Variants in KMT2C observed in about 807,000 individuals in gnomAD.
KMT2C encodes the protein histone-lysine N-methyltransferase 2C.
A neutral mutation model predicts 507.9 loss-of-function variants in KMT2C; 88 were observed. The ratio of observed to expected loss-of-function variants is 0.17; its 90% CI spans 0.15 to 0.21. KMT2C has a LOEUF of 0.21. Ranked by LOEUF, KMT2C falls within the 10% of genes least tolerant of loss-of-function variation. The probability of loss-of-function intolerance (pLI) is 1.00; values close to 1 mark genes in which losing one functional copy is unlikely to be tolerated. For missense variants in KMT2C, 4,954 were observed against 5,957.8 expected, an observed-to-expected ratio of 0.83 and a Z score of 5.55; for synonymous variants, 2,049 against 2,080.8, an observed-to-expected ratio of 0.98 and a Z score of 0.42.
Position 152,163,252 on chromosome 7 carries a change from C to G in KMT2C, c.10325G>C (p.Ser3442Thr). Residue 3442 changes from serine (S) to threonine (T), a missense_variant, in exon 43 of 59, where the codon AGT becomes ACT. Coordinates refer to ENST00000262189, the MANE Select transcript of KMT2C (RefSeq NM_170606.3). ...CTGGGACACAGATGTCCTACTACTA[C>G]TTATCTCAGAGCCCACCATACCATG... ...EQHGMVGSEI[S>T]SSRTSVSQIP... The G allele has an allele frequency of 1.2e-6, 2 of 1,614,202 alleles. No individual in the cohort carries two copies. The highest frequency in any genetic ancestry group is 2.7e-5 in the African/African-American group (2 of 75,048).
intron 33 of KMT2C, among the ~76,000 whole-genome samples, 172 bp from the exon 34 acceptor site, chr7:152,185,803 GCC>G (rs1302049569): frequency 1.2e-4 from 19 of 152,326 alleles, no homozygotes; most frequent in African/African-American, 4.3e-4. Flanking sequence ...CACACTGTAG[GCC>G]AAACAAACGT....
chr7:152,255,148 T>TAC (rs1351690369), intron 9 of KMT2C, among the ~76,000 whole-genome samples: 3 of 125,344 alleles, frequency 2.4e-5, no homozygotes, highest in East Asian at 2.3e-4. Flanking sequence ...TATATATACA[T>TAC]ATATATATAT....
chr7:152,332,600 C>T (rs1230683891), intron 2 of KMT2C, among the ~76,000 whole-genome samples: 2 of 152,162 alleles, frequency 1.3e-5, no homozygotes, highest in Non-Finnish European at 2.9e-5. Flanking sequence ...AATCCCAGCA[C>T]TTTGGGAGGC....
In KMT2C at chr7:152,295,663, C is replaced by T. The variant is rs182883072; in HGVS notation, c.849+14303G>A. 2.6e-5 allele frequency among the ~76,000 whole-genome samples: 4 copies of T among 152,240 alleles called. No homozygotes were observed. The East Asian group carries it at 5.8e-4, about 22-fold the overall frequency. ...CTACAGATTTCCACTTTTTCAGATA[C>T]GCACCCTGCTCTAAGCAGAAACATG... On this transcript the variant is annotated intron_variant, in intron 6 of 58. Transcript: ENST00000262189.
chr7:152,233,478 T>A (rs2095184883), intron 16 of KMT2C, among the ~76,000 whole-genome samples: 1 of 150,924 alleles, frequency 6.6e-6, no homozygotes, highest in Non-Finnish European at 1.5e-5. Flanking sequence ...CAAATTAAAC[T>A]CAAAGTGAGA....
chr7:152,372,497 C>A (rs2097300023), intron 1 of KMT2C, among the ~76,000 whole-genome samples: 1 of 152,210 alleles, frequency 6.6e-6, no homozygotes, highest in East Asian at 1.9e-4. Context: ...ATGCTGCCTA[C>A]AAGAGACTCT....
In KMT2C at chr7:152,148,067, A is replaced by G. The variant is rs139284548; in HGVS notation, c.13860T>C (p.His4620=). ...VFVIRIVEQG[H]EDLVLSDISP... ...AGATGTCACTTAGAACCAGGTCTTC[A>G]TGGCCTTGTTCCACAATCCTGATGA... Residue 4620 remains histidine, a synonymous_variant, in exon 52 of 59, where the codon CAT becomes CAC. Coordinates refer to ENST00000262189, the MANE Select transcript of KMT2C (RefSeq NM_170606.3). The surrounding 1 kb of genome is among the most constrained non-coding windows in gnomAD (Gnocchi z 7.1). 1.9e-6 allele frequency: 3 copies of G among 1,598,618 alleles called. No individual in the cohort carries two copies. The African/African-American group carries it at 4.0e-5, about 21-fold the overall frequency.
intron 2 of KMT2C, among the ~76,000 whole-genome samples, chr7:152,349,585 A>C (rs946697353): frequency 1.3e-5 from 2 of 149,384 alleles, no homozygotes; most frequent in African/African-American, 5.2e-5. Context: ...GGAAAAGGCA[A>C]AACTATGGAG....
chr7:152,204,727 A>G lies in KMT2C; in HGVS notation c.3961+379T>C, dbSNP rs568787881. On this transcript the variant is annotated intron_variant, in intron 25 of 58. Transcript: ENST00000262189. ...TGATAAGTAGCTAAGGCAGTCAAAGAAAGGCTTTGGAGATGACCAGAAAGT... is the reference window on the plus strand; with the variant it reads ...TGATAAGTAGCTAAGGCAGTCAAAGGAAGGCTTTGGAGATGACCAGAAAGT... 2.3e-4 allele frequency among the ~76,000 whole-genome samples: 35 copies of G among 152,292 alleles called. 1 individual carries two copies. In the South Asian group the frequency reaches 7.1e-3, roughly 31 times the overall value.
chr7:152,358,927 T>C (rs1340804211), intron 1 of KMT2C, among the ~76,000 whole-genome samples: 1 of 152,170 alleles, frequency 6.6e-6, no homozygotes, highest in African/African-American at 2.4e-5. Context: ...CATAATTCAC[T>C]TAAGTATTCC....
At chr7:152,377,823 G>A (rs2097341398) in intron 1 of KMT2C, among the ~76,000 whole-genome samples, 1 of 151,886 alleles carries the variant, frequency 6.6e-6, no homozygotes, top group African/African-American at 2.4e-5. Flanking sequence ...CACCGTAGAT[G>A]TCATTAAGAA....
intron 6 of KMT2C, among the ~76,000 whole-genome samples, chr7:152,279,719 C>CA (rs1257161143): frequency 3.9e-5 from 6 of 152,124 alleles, no homozygotes; most frequent in Non-Finnish European, 8.8e-5. Flanking sequence ...AACGACATTA[C>CA]AAAATCAAAA....
intron 28 of KMT2C, 103 bp downstream of exon 28, chr7:152,195,804 A>G: frequency 1.6e-6 from 1 of 615,732 alleles, no homozygotes; most frequent in South Asian, 4.3e-5. Flanking sequence ...AAACAAAAAC[A>G]CAGTTACTGG....
At chr7:152,380,167 A>C (rs2097360540) in intron 1 of KMT2C, among the ~76,000 whole-genome samples, 1 of 152,094 alleles carries the variant, frequency 6.6e-6, no homozygotes, top group Admixed American at 6.5e-5. Flanking sequence ...AGGAGGCAGA[A>C]GTTGCAGTGA....
At chr7:152,137,554 G>C (rs369769778) in intron 58 of KMT2C, 1 of 152,326 alleles carries the variant, frequency 6.6e-6, no homozygotes, top group Non-Finnish European at 1.5e-5. Context: ...GGTCTCTTCT[G>C]AGTGAAATGA....
chr7:152,292,330 GCACA>G (rs1276544601), intron 6 of KMT2C, among the ~76,000 whole-genome samples: 1 of 149,436 alleles, frequency 6.7e-6, no homozygotes, highest in Non-Finnish European at 1.5e-5. Context: ...TGTGTGGCGC[GCACA>G]CACACACACA....
chr7:152,136,928 C>T lies in KMT2C; in HGVS notation c.14644-4G>A. On this transcript the variant is annotated splice_polypyrimidine_tract_variant and splice_region_variant and intron_variant, in intron 58 of 58. Coordinates refer to ENST00000262189, the MANE Select transcript of KMT2C (RefSeq NM_170606.3). Reference sequence around the variant, plus strand: ...CAAACTTATAGTCATAGCAGAGCTGCCCACGGCAAAGACACAGGGTAAGAA... The same window carrying T: ...CAAACTTATAGTCATAGCAGAGCTGTCCACGGCAAAGACACAGGGTAAGAA... 4 of 1,609,150 alleles carry T rather than the reference C, an allele frequency of 2.5e-6. No homozygotes were observed. The highest frequency in any genetic ancestry group is 3.4e-6 in the Non-Finnish European group (4 of 1,177,640).
chr7:152,175,150 ATT>A (rs58064231), intron 38 of KMT2C, among the ~76,000 whole-genome samples: 1 of 145,488 alleles, frequency 6.9e-6, no homozygotes. Context: ...CGTTGTTTTC[ATT>A]TTTTTTTTTT....
At position 152,179,966 on chromosome 7, in the gene KMT2C, G is replaced by A. The variant is rs2093375999; in HGVS notation, c.7310C>T (p.Pro2437Leu). Residue 2437 changes from proline (P) to leucine (L), a missense_variant, in exon 37 of 59, where the codon CCT (proline) becomes CTT (leucine). By Grantham distance (98) the Pro-to-Leu change is moderately conservative. Coordinates refer to ENST00000262189, the MANE Select transcript of KMT2C (RefSeq NM_170606.3). ...NVNQAFTRPP[P>L]PYPGNIRSPV... is the part of the protein sequence containing the mutation. ...AGACCTAATGTTCCCAGGATAGGGA[G>A]GTGGGGGTCTGGTGAAAGCCTGGTT... is the stretch of plus-strand genomic sequence containing the variant. 6.2e-7 allele frequency: 1 copy of A among 1,614,096 alleles called. No homozygotes were observed. Among genetic ancestry groups the A allele is most frequent in the Non-Finnish European group, 8.5e-7 (1 of 1,180,054 alleles).
Sources: allele counts gnomAD v4.1 joint callset (sites outside exome capture counted in the v4.1 genomes callset), GRCh38; gene constraint gnomAD v4.1.1; non-coding constraint Gnocchi (gnomAD v3.1); transcripts MANE v1.5; gene names NCBI Gene and HGNC (gene_info 2026-07-23, HGNC 2026-07-21).